Variants in DAB1 observed in about 807,000 individuals in gnomAD.
DAB1 encodes the protein DAB adaptor protein 1.
A neutral mutation model predicts 64.6 loss-of-function variants in DAB1; 15 were observed. The ratio of observed to expected loss-of-function variants is 0.23; its 90% CI spans 0.16 to 0.36. The LOEUF (loss-of-function observed/expected upper bound fraction) is 0.36, where lower values mean the gene tolerates loss of function less well. DAB1 is among the 10% of genes least tolerant of loss of function. DAB1 has a pLI of 1.00. For synonymous variants in DAB1, 235 were observed against 251.9 expected (o/e 0.93, Z 0.64); for missense variants, 596 against 706.7 (o/e 0.84, Z 1.78).
At chr1:57,159,183 T>C (rs1660509148) in intron 2 of DAB1, among the ~76,000 whole-genome samples, 2 of 152,102 alleles carry the variant, frequency 1.3e-5, no homozygotes, top group East Asian at 3.9e-4. Context: ...GTTTTTTTTT[T>C]CTTCCTCTGG....
chr1:57,215,380 A>G (rs114403054), intron 2 of DAB1, among the ~76,000 whole-genome samples: 358 of 152,356 alleles, frequency 2.3e-3, no homozygotes, highest in Non-Finnish European at 4.3e-3. Context: ...CATTCAGAAC[A>G]TGGGAGAAGA....
chr1:57,695,853 T>C (rs1646838223), intron 6 of DAB1, among the ~76,000 whole-genome samples: 1 of 152,138 alleles, frequency 6.6e-6, no homozygotes, highest in African/African-American at 2.4e-5. Flanking sequence ...TGAGCTGAGA[T>C]GGTGCCACTG....
intron 5 of DAB1, among the ~76,000 whole-genome samples, chr1:57,901,275 G>T (rs1029301351): frequency 1.3e-5 from 2 of 152,076 alleles, no homozygotes; most frequent in Admixed American, 6.6e-5. Flanking sequence ...CCCCACACCT[G>T]CTGCGGGTTC....
chr1:58,132,930 C>G (rs1479077181), intron 5 of DAB1, among the ~76,000 whole-genome samples: 2 of 152,208 alleles, frequency 1.3e-5, no homozygotes, highest in African/African-American at 4.8e-5. Flanking sequence ...ATAGTGTTAA[C>G]TCAATTGTGT....
intron 3 of DAB1, among the ~76,000 whole-genome samples, chr1:58,499,314 CAAA>C (rs58217798): frequency 0.037 from 2,543 of 69,572 alleles, 22 homozygotes; most frequent in African/African-American, 0.12. Flanking sequence ...CACATCTCTA[CAAA>C]AAAAAAAAAA....
intron 5 of DAB1, among the ~76,000 whole-genome samples, chr1:57,909,253 T>G (rs1232250889): frequency 2.0e-5 from 3 of 152,212 alleles, no homozygotes; most frequent in Non-Finnish European, 4.4e-5. Flanking sequence ...AGTGGCCTTC[T>G]TCATAAAGCG....
chr1:57,305,149 G>C (rs1674026426), intron 1 of DAB1, among the ~76,000 whole-genome samples: 2 of 152,158 alleles, frequency 1.3e-5, no homozygotes, highest in African/African-American at 4.8e-5. Context: ...AAACCCCAAA[G>C]GACAGTGCAG....
intron 1 of DAB1, among the ~76,000 whole-genome samples, chr1:57,400,303 A>T (rs1683139774): frequency 6.6e-6 from 1 of 152,148 alleles, no homozygotes; most frequent in South Asian, 2.1e-4. Flanking sequence ...AAAAAACCAA[A>T]AGGTTCAGTC....
chr1:57,707,228 T>C (rs764865771), intron 6 of DAB1, among the ~76,000 whole-genome samples: 35 of 152,172 alleles, frequency 2.3e-4, no homozygotes, highest in Non-Finnish European at 4.9e-4. Context: ...ATTTTGTCAT[T>C]TTGAGAATTT....
At chr1:57,886,121 C>T (rs1033943348), upstream of DAB1, among the ~76,000 whole-genome samples, 2 of 151,992 alleles carry the variant, frequency 1.3e-5, no homozygotes, top group Non-Finnish European at 1.5e-5. Flanking sequence ...ACATCAAATG[C>T]CACCAACTCC....
intron 1 of DAB1, among the ~76,000 whole-genome samples, chr1:57,302,397 T>C (rs1205585927): frequency 1.3e-5 from 2 of 152,100 alleles, no homozygotes; most frequent in African/African-American, 4.8e-5. Context: ...AGCAAACCAC[T>C]ACAAACTCAA....
intron 9 of DAB1, among the ~76,000 whole-genome samples, chr1:57,057,878 G>A (rs1403941891): frequency 6.6e-6 from 1 of 152,092 alleles, no homozygotes; most frequent in Non-Finnish European, 1.5e-5. Context: ...AAAGTGCTGG[G>A]ATTACAGGCA....
chr1:58,042,783 A>T (rs1216218512), intron 5 of DAB1, among the ~76,000 whole-genome samples: 1 of 152,212 alleles, frequency 6.6e-6, no homozygotes, highest in African/African-American at 2.4e-5. Context: ...GAAGGAGCAA[A>T]GATATTAGAG....
At chr1:58,212,393 C>T (rs1304661276) in intron 4 of DAB1, among the ~76,000 whole-genome samples, 2 of 152,280 alleles carry the variant, frequency 1.3e-5, no homozygotes, top group Non-Finnish European at 2.9e-5. Flanking sequence ...AAAGACCACA[C>T]AGTTAGAGTC....
intron 4 of DAB1, among the ~76,000 whole-genome samples, chr1:58,227,395 C>A (rs988686028): frequency 1.3e-5 from 2 of 152,110 alleles, no homozygotes; most frequent in African/African-American, 4.8e-5. Context: ...GCATTCCAGG[C>A]AGAGGAATAG....
intron 14 of DAB1, among the ~76,000 whole-genome samples, chr1:57,005,658 A>G (rs1388604474): frequency 6.6e-6 from 1 of 152,228 alleles, no homozygotes; most frequent in East Asian, 1.9e-4. Context: ...CTCATATCAC[A>G]CAGCTAAATT....
chr1:57,313,567 A>G (rs1674923151), intron 1 of DAB1, among the ~76,000 whole-genome samples: 1 of 152,176 alleles, frequency 6.6e-6, no homozygotes, highest in Non-Finnish European at 1.5e-5. Flanking sequence ...CATAGTTTCC[A>G]TAATAAAAAA....
chr1:57,471,171 C>G lies in DAB1; in HGVS notation n.625+178421G>C, dbSNP rs1687121033. Among the ~76,000 whole-genome samples, 3 of 152,072 alleles carry G rather than the reference C, an allele frequency of 2.0e-5. No individual in the cohort carries two copies. The South Asian group carries it at 6.2e-4, about 32-fold the overall frequency. ...GATATTTAAGGAGATGATGACGAAC[C>G]AAATTCTAAACAAAGATCAGCAAGA... On this transcript the variant is annotated intron_variant and non_coding_transcript_variant, in intron 7 of 20. Coordinates refer to the DAB1 transcript ENST00000485760.
At chr1:58,382,629 A>G (rs1156713088) in intron 3 of DAB1, among the ~76,000 whole-genome samples, 1 of 152,202 alleles carries the variant, frequency 6.6e-6, no homozygotes, top group Non-Finnish European at 1.5e-5. Context: ...TGGTCAACTA[A>G]AAATGGGAAA....
Sources: gnomAD v4.1 joint callset for allele counts (sites outside exome capture counted in the v4.1 genomes callset) on GRCh38, gnomAD v4.1.1 for gene constraint, MANE v1.5 for transcripts, NCBI Gene and HGNC (gene_info 2026-07-23, HGNC 2026-07-21) for gene names.